The following LHFPL6 variants were observed in gnomAD, a reference collection of about 807,000 sequenced individuals.
LHFPL6 encodes the protein LHFPL tetraspan subfamily member 6 protein.
A neutral mutation model predicts 20.6 loss-of-function variants in LHFPL6; 9 were observed. The ratio of observed to expected loss-of-function variants is 0.44; its 90% CI spans 0.26 to 0.76. LHFPL6 has a LOEUF of 0.76. Ranked by LOEUF, LHFPL6 falls within the 30% of genes least tolerant of loss-of-function variation. The probability of loss-of-function intolerance (pLI) is 0.20; values close to 1 mark genes in which losing one functional copy is unlikely to be tolerated. For synonymous variants in LHFPL6, 105 were observed against 98.7 expected, an observed-to-expected ratio of 1.06 and a Z score of -0.38; for missense variants, 218 against 253.5, an observed-to-expected ratio of 0.86 and a Z score of 0.95.
At chr13:39,352,939 G>GTATATATATATAAATATATATATA (rs1415406896) in intron 3 of LHFPL6, among the ~76,000 whole-genome samples, 1 of 49,076 alleles carries the variant, frequency 2.0e-5, no homozygotes, top group Non-Finnish European at 3.9e-5. Flanking sequence ...ATATATATGT[G>GTATATATATATAAATATATATATA]TGTATATATA....
chr13:39,569,148 T>TGGTC (rs1555268673), intron 2 of LHFPL6, among the ~76,000 whole-genome samples: 2 of 144,396 alleles, frequency 1.4e-5, no homozygotes, highest in African/African-American at 5.1e-5. Context: ...GATGGATGGA[T>TGGTC]GGACGGACGG....
At chr13:39,438,673 A>G (rs1310761079) in intron 2 of LHFPL6, among the ~76,000 whole-genome samples, 2 of 152,248 alleles carry the variant, frequency 1.3e-5, no homozygotes, top group Non-Finnish European at 2.9e-5. Flanking sequence ...CTGCAGACTC[A>G]GAACCCTGCT....
intron 2 of LHFPL6, among the ~76,000 whole-genome samples, chr13:39,581,262 T>C (rs113487192): frequency 7.9e-5 from 12 of 152,326 alleles, no homozygotes; most frequent in Middle Eastern, 3.4e-3. Context: ...AAGATTATTA[T>C]GGTAAAACCA....
chr13:39,448,970 G>A (rs1170321136), intron 2 of LHFPL6, among the ~76,000 whole-genome samples: 1 of 152,208 alleles, frequency 6.6e-6, no homozygotes, highest in Non-Finnish European at 1.5e-5. Flanking sequence ...ATCTGATCTG[G>A]GGAGCTAATC....
chr13:39,575,115 CCCCGCCTGT>C (rs1226932549), intron 2 of LHFPL6, among the ~76,000 whole-genome samples: 2 of 152,082 alleles, frequency 1.3e-5, no homozygotes, highest in Non-Finnish European at 2.9e-5. Flanking sequence ...CCATTCTATT[CCCCGCCTGT>C]CCCTCTCTGT....
intron 2 of LHFPL6, among the ~76,000 whole-genome samples, chr13:39,580,686 C>G (rs1040676960): frequency 2.5e-4 from 38 of 152,150 alleles, no homozygotes; most frequent in Non-Finnish European, 5.9e-5. Flanking sequence ...TATTGGGAAT[C>G]TACTTTATCA....
intron 2 of LHFPL6, among the ~76,000 whole-genome samples, chr13:39,532,965 T>C (rs1870510461): frequency 6.6e-6 from 1 of 152,186 alleles, no homozygotes; most frequent in Non-Finnish European, 1.5e-5. Context: ...TTTGGAAGAA[T>C]TCCCATTAAT....
intron 2 of LHFPL6, among the ~76,000 whole-genome samples, chr13:39,552,785 A>G (rs142320688): frequency 1.2e-4 from 19 of 152,390 alleles, no homozygotes; most frequent in African/African-American, 3.6e-4. Flanking sequence ...CCCAAAGACA[A>G]TGAAGGCACA....
At chr13:39,536,070 T>C (rs1433237348) in intron 2 of LHFPL6, among the ~76,000 whole-genome samples, 3 of 152,212 alleles carry the variant, frequency 2.0e-5, no homozygotes, top group Non-Finnish European at 1.5e-5. Flanking sequence ...GTTTTCATTA[T>C]CTAGTTGGTA....
intron 2 of LHFPL6, among the ~76,000 whole-genome samples, chr13:39,501,020 G>C (rs1253992582): frequency 6.6e-6 from 1 of 152,166 alleles, no homozygotes; most frequent in Non-Finnish European, 1.5e-5. Flanking sequence ...ATTCCCAAGT[G>C]ATGTTGATGC....
intron 2 of LHFPL6, among the ~76,000 whole-genome samples, chr13:39,554,406 C>T (rs908189490): frequency 2.6e-5 from 4 of 152,174 alleles, no homozygotes; most frequent in Non-Finnish European, 4.4e-5. Flanking sequence ...TATTAAAATG[C>T]ATGTCAGGAC....
chr13:39,444,436 A>G (rs755712775), intron 2 of LHFPL6, among the ~76,000 whole-genome samples: 6 of 152,194 alleles, frequency 3.9e-5, no homozygotes, highest in African/African-American at 1.4e-4. Flanking sequence ...CATCAAGACT[A>G]TAGGACAATG....
intron 2 of LHFPL6, among the ~76,000 whole-genome samples, chr13:39,459,970 C>T (rs1872652319): frequency 1.3e-5 from 2 of 152,044 alleles, no homozygotes; most frequent in Non-Finnish European, 2.9e-5. Context: ...ACAATTATTA[C>T]AAAGAATGTG....
intron 2 of LHFPL6, among the ~76,000 whole-genome samples, chr13:39,586,043 C>T (rs1872437266): frequency 6.6e-6 from 1 of 152,216 alleles, no homozygotes; most frequent in Admixed American, 6.5e-5. Context: ...ATTCCCTGAA[C>T]TCCCATCAGA....
At chr13:39,357,580 A>G (rs2147129) in intron 3 of LHFPL6, among the ~76,000 whole-genome samples, 35,299 of 152,124 alleles carry the variant, frequency 0.23, 4,311 homozygotes, top group Middle Eastern at 0.31. Flanking sequence ...TGGTGATATG[A>G]TTCTATACCT....
At chr13:39,389,836 G>C (rs74044045) in intron 2 of LHFPL6, among the ~76,000 whole-genome samples, 283 of 152,322 alleles carry the variant, frequency 1.9e-3, no homozygotes, top group African/African-American at 6.3e-3. Flanking sequence ...AGCTCAGGTA[G>C]AGAAATCTTA....
At chr13:39,400,834 T>C (rs1209151023) in intron 2 of LHFPL6, among the ~76,000 whole-genome samples, 3 of 148,508 alleles carry the variant, frequency 2.0e-5, no homozygotes, top group Admixed American at 2.0e-4. Context: ...GTAATACTCT[T>C]ATATATCTTC....
At chr13:39,458,688 C>A (rs1449630867) in intron 2 of LHFPL6, among the ~76,000 whole-genome samples, 2 of 143,280 alleles carry the variant, frequency 1.4e-5, no homozygotes, top group African/African-American at 5.5e-5. Flanking sequence ...CAGCAATACC[C>A]TGCCTAAAAA....
chr13:39,568,783 T>C (rs1871810358), intron 2 of LHFPL6, among the ~76,000 whole-genome samples: 1 of 152,204 alleles, frequency 6.6e-6, no homozygotes, highest in African/African-American at 2.4e-5. Context: ...TGGAGGCCAG[T>C]GCTACCTCCA....
Sources: allele counts gnomAD v4.1 joint callset (sites outside exome capture counted in the v4.1 genomes callset), GRCh38; gene constraint gnomAD v4.1.1; transcripts MANE v1.5; gene names NCBI Gene and HGNC (gene_info 2026-07-23, HGNC 2026-07-21).